SPINK8: variants seen among roughly 807,000 people sequenced by gnomAD.
The protein encoded by SPINK8 is serine protease inhibitor Kazal-type 8.
Under a neutral mutation model 14.4 loss-of-function variants are expected in SPINK8, and 12 were observed. The observed-to-expected ratio is 0.83, with a 90% CI of 0.53 to 1.35. The LOEUF (loss-of-function observed/expected upper bound fraction) is 1.35. Ranked by LOEUF, SPINK8 falls within the 40% of genes most tolerant of loss-of-function variation. The pLI is 0.00. For missense variants in SPINK8, 103 were observed against 117.0 expected, an observed-to-expected ratio of 0.88 and a Z score of 0.55; for synonymous variants, 32 against 37.6, an observed-to-expected ratio of 0.85 and a Z score of 0.55.
At position 48,319,620 on chromosome 3, in the gene SPINK8, T is replaced by C. The variant is rs1337274591; in HGVS notation, c.118-2A>G. ...ATTTACATTCTTGAGGCATTCAACC[T>C]GAAGGTGAGACACACACAACTGCTT... On this transcript the variant is annotated splice_acceptor_variant, in intron 5 of 7. Transcript: ENST00000434006. LOFTEE classifies it high-confidence loss of function. The C allele has an allele frequency of 6.2e-7, 1 of 1,613,724 alleles. No homozygotes were observed. Among genetic ancestry groups the C allele is most frequent in the African/African-American group, 1.3e-5 (1 of 74,926 alleles).
intron 6 of SPINK8, among the ~76,000 whole-genome samples, chr3:48,314,985 G>A (rs2107088520): frequency 6.6e-6 from 1 of 152,306 alleles, no homozygotes; most frequent in Non-Finnish European, 1.5e-5. Flanking sequence ...GCTTTAAACT[G>A]CCTGGTTGAG....
chr3:48,322,475 A>G (rs1267557692), intron 4 of SPINK8, among the ~76,000 whole-genome samples: 2 of 152,028 alleles, frequency 1.3e-5, no homozygotes, highest in African/African-American at 4.8e-5. Flanking sequence ...AGCTGGGATT[A>G]CAGGTGCATG....
At chr3:48,318,022 G>A (rs1417766851) in intron 6 of SPINK8, among the ~76,000 whole-genome samples, 2 of 152,114 alleles carry the variant, frequency 1.3e-5, no homozygotes, top group African/African-American at 2.4e-5. Context: ...TTACAGGCTT[G>A]AGCCACCCCT....
intron 4 of SPINK8, among the ~76,000 whole-genome samples, chr3:48,321,675 A>G (rs1388335718): frequency 6.6e-6 from 1 of 151,896 alleles, no homozygotes; most frequent in Non-Finnish European, 1.5e-5. Context: ...TTAGCCAGGC[A>G]TGGTGGTGCA....
chr3:48,323,278 G>C (rs2036098932), intron 4 of SPINK8, among the ~76,000 whole-genome samples: 1 of 152,054 alleles, frequency 6.6e-6, no homozygotes, highest in African/African-American at 2.4e-5. Flanking sequence ...CCGAGTAGCT[G>C]GGATTACAGG....
intron 5 of SPINK8, 100 bp downstream of exon 5, chr3:48,320,925 C>G (rs1560017591): frequency 8.5e-7 from 1 of 1,176,030 alleles, no homozygotes; most frequent in African/African-American, 1.5e-5. Flanking sequence ...CCATGCAAGC[C>G]CCCTCCACTG....
intron 6 of SPINK8, among the ~76,000 whole-genome samples, chr3:48,319,114 T>C (rs2036033949): frequency 1.3e-5 from 2 of 152,230 alleles, no homozygotes; most frequent in East Asian, 1.9e-4. Flanking sequence ...GGAAGATTCT[T>C]CACCCAGCTT....
At chr3:48,332,143 G>A (rs762424393) in intron 2 of SPINK8, among the ~76,000 whole-genome samples, 3 of 152,156 alleles carry the variant, frequency 2.0e-5, no homozygotes, top group East Asian at 1.9e-4. Context: ...TTAGGCATTC[G>A]ATTTGCCCAG....
chr3:48,314,275 G>A (rs897911663), intron 6 of SPINK8, among the ~76,000 whole-genome samples: 5 of 151,316 alleles, frequency 3.3e-5, no homozygotes, highest in African/African-American at 9.7e-5. Flanking sequence ...TTTCCTCCAC[G>A]AAAGCAACAA....
At chr3:48,328,395 T>G in intron 3 of SPINK8, 41 bp from the exon 4 acceptor site, 8 of 1,471,592 alleles carry the variant, frequency 5.4e-6, no homozygotes, top group Middle Eastern at 1.7e-4. Flanking sequence ...CAAACATCTA[T>G]GCGAAGTACA....
chr3:48,327,068 T>A (rs1376041541), intron 4 of SPINK8, among the ~76,000 whole-genome samples: 1 of 152,122 alleles, frequency 6.6e-6, no homozygotes, highest in Non-Finnish European at 1.5e-5. Context: ...GATATGTAAA[T>A]AAATGGGTGC....
At chr3:48,309,971 TA>T (rs1364891733) in intron 6 of SPINK8, 25 bp from the exon 7 acceptor site, 6 of 1,406,886 alleles carry the variant, frequency 4.3e-6, no homozygotes, top group Non-Finnish European at 5.6e-6. Context: ...ATTTTAAAAT[TA>T]TTTTTGCTGT....
In SPINK8 at chr3:48,316,659, G is replaced by C. The variant is rs190251602; in HGVS notation, c.239+2838C>G. Among the ~76,000 whole-genome samples the C allele has an allele frequency of 2.2e-3, 336 of 152,244 alleles. 1 individual carries two copies. The highest frequency in any genetic ancestry group is 9.0e-3 in the Admixed American group (137 of 15,294). On this transcript the variant is annotated intron_variant, in intron 6 of 7. Coordinates refer to ENST00000434006, the MANE Select transcript of SPINK8 (RefSeq NM_001080525.3). ...ATGGTGGGGTGTGCCTGTAGTCCTA[G>C]CTACTCAGAAGGCTGAGGTGGGAGG...
chr3:48,332,632 G>A (rs571096345), intron 1 of SPINK8, among the ~76,000 whole-genome samples, 161 bp from the exon 2 acceptor site: 3 of 152,276 alleles, frequency 2.0e-5, no homozygotes, highest in East Asian at 1.9e-4. Context: ...CTGGCCTGTG[G>A]GGAATCGTTC....
chr3:48,330,221 A>G (rs2036232445), intron 2 of SPINK8, among the ~76,000 whole-genome samples: 1 of 152,144 alleles, frequency 6.6e-6, no homozygotes, highest in African/African-American at 2.4e-5. Context: ...AAAATTTTCC[A>G]TCAGAAATTT....
At chr3:48,314,469 A>G (rs780582821) in intron 6 of SPINK8, among the ~76,000 whole-genome samples, 1 of 152,130 alleles carries the variant, frequency 6.6e-6, no homozygotes, top group Non-Finnish European at 1.5e-5. Flanking sequence ...TCCCAGTTCC[A>G]TGGTAGTAAT....
chr3:48,313,531 T>C lies in SPINK8; in HGVS notation c.240-3585A>G, dbSNP rs566277483. Among the ~76,000 whole-genome samples the C allele has an allele frequency of 5.9e-5, 9 of 152,294 alleles. 1 individual carries two copies. Among genetic ancestry groups the C allele is most frequent in the Admixed American group, 5.9e-4 (9 of 15,288 alleles). ...ATATTTCTGGAAGAATGTAAAATGG[T>C]TCAGCCCCTATAGAAAAGTTTGATG... is the stretch of plus-strand genomic sequence containing the variant. On this transcript the variant is annotated intron_variant, in intron 6 of 7. Coordinates refer to ENST00000434006, the MANE Select transcript of SPINK8 (RefSeq NM_001080525.3).
intron 6 of SPINK8, among the ~76,000 whole-genome samples, chr3:48,313,818 A>C (rs566111914): frequency 3.9e-4 from 59 of 152,212 alleles, no homozygotes; most frequent in Non-Finnish European, 7.6e-4. Context: ...CTGTGGATGA[A>C]CCTCAAAATG....
chr3:48,324,146 GTCT>G (rs1361949503), intron 4 of SPINK8, among the ~76,000 whole-genome samples: 10 of 151,888 alleles, frequency 6.6e-5, no homozygotes, highest in Non-Finnish European at 4.4e-5. Context: ...GTTGGTTTAG[GTCT>G]TCTTTAATTT....
Sources: allele counts gnomAD v4.1 joint callset (sites outside exome capture counted in the v4.1 genomes callset), GRCh38; gene constraint gnomAD v4.1.1; transcripts MANE v1.5; gene names NCBI Gene and HGNC (gene_info 2026-07-23, HGNC 2026-07-21).